The following BAHCC1 variants were observed in gnomAD, a reference collection of about 807,000 sequenced individuals.
The protein encoded by BAHCC1 is BAH and coiled-coil domain-containing protein 1.
In BAHCC1, 43 loss-of-function variants were observed where a neutral mutation model predicts 88.2. That is an observed-to-expected ratio of 0.49 (90% CI 0.38 to 0.63). BAHCC1 has a LOEUF of 0.63. Among genes scored for constraint, BAHCC1 ranks in the 20% least tolerant of loss-of-function variants. BAHCC1 has a pLI of 0.00. For missense variants in BAHCC1, 3,023 were observed against 1,654.8 expected (o/e 1.83, Z -14.34); for synonymous variants, 1,510 against 745.5 (o/e 2.03, Z -16.71).
chr17:81,455,233 C>T (rs1032379877), intron 14 of BAHCC1, 34 bp from the exon 15 acceptor site: 13 of 708,246 alleles, frequency 1.8e-5, no homozygotes, highest in East Asian at 2.7e-5. Context: ...GCCGGGCCTG[C>T]ATCTGCCCTG....
intron 3 of BAHCC1, among the ~76,000 whole-genome samples, chr17:81,430,525 G>A (rs1324077235): frequency 6.6e-6 from 1 of 152,208 alleles, no homozygotes; most frequent in African/African-American, 2.4e-5. Flanking sequence ...ACGGAGCCCC[G>A]CAGCTTCCTG....
intron 2 of BAHCC1, among the ~76,000 whole-genome samples, chr17:81,424,916 T>TG (rs2064157686): frequency 6.7e-6 from 1 of 148,920 alleles, no homozygotes. Context: ...GTGATGTGGT[T>TG]GGTGTGATGT....
chr17:81,443,068 C>T lies in BAHCC1; in HGVS notation c.1719C>T (p.Ser573=). 1.3e-6 allele frequency: 1 copy of T among 778,236 alleles called. No individual in the cohort carries two copies. Among genetic ancestry groups the T allele is most frequent in the Non-Finnish European group, 2.4e-6 (1 of 417,642 alleles). 48.2% of individuals were successfully genotyped at this position (778,236 alleles called of 1,614,324 possible). A position where few individuals can be genotyped will look rare whatever the true frequency, so the allele number is the denominator to read the frequency against. The change falls in exon 5 of 28, where the codon TCC becomes TCT. Residue 573 remains serine, a synonymous_variant. Coordinates refer to ENST00000675386, the MANE Select transcript of BAHCC1 (RefSeq NM_001377448.1). ...EAKRKSLELA[S]LGYSGPHLPP... is the part of the protein sequence containing the mutation. Reference sequence around the variant, plus strand: ...AGCGCAAGTCCCTGGAGCTGGCATCCCTGGGCTACAGTGGGCCCCACCTGC... The same window carrying T: ...AGCGCAAGTCCCTGGAGCTGGCATCTCTGGGCTACAGTGGGCCCCACCTGC...
At chr17:81,459,767 C>T (rs562131239) in intron 23 of BAHCC1, among the ~76,000 whole-genome samples, 163 bp downstream of exon 23, 45 of 149,234 alleles carry the variant, frequency 3.0e-4, no homozygotes, top group African/African-American at 1.1e-3. Flanking sequence ...CATGAAAAAG[C>T]ACAGGGTGTG....
At chr17:81,443,778 C>A in intron 5 of BAHCC1, 31 bp from the exon 6 acceptor site, 1 of 705,696 alleles carries the variant, frequency 1.4e-6, no homozygotes, top group South Asian at 1.5e-5. Flanking sequence ...CGCCCCAACC[C>A]TCTCCCGTCT....
rs560126118 is a variant in BAHCC1 at position 81,413,827 on chromosome 17, G to T, written c.179-12973G>T. Among the ~76,000 whole-genome samples the T allele has an allele frequency of 6.6e-5, 10 of 152,354 alleles. No homozygotes were observed. In the South Asian group the frequency reaches 1.7e-3, roughly 25 times the overall value. ...TAAGGTGTCCTTCTCTGGATGGGGC[G>T]CAGGGCTCGCTATGGGGTGCTGGGG... is the stretch of plus-strand genomic sequence containing the variant. On this transcript the variant is annotated intron_variant, in intron 2 of 27. Transcript: ENST00000675386.
intron 10 of BAHCC1, 101 bp downstream of exon 10, chr17:81,445,782 G>A (rs575324916): frequency 2.8e-5 from 18 of 646,968 alleles, no homozygotes; most frequent in Non-Finnish European, 4.3e-5. Flanking sequence ...GCAGGGAGGC[G>A]CCACACCTGC....
Position 81,451,779 on chromosome 17 carries a change from C to T in BAHCC1, c.4088C>T (p.Pro1363Leu), listed in dbSNP as rs782350528. ...GACAGCTCCACTGCCCCAGCGCAGC[C>T]GCCCACAGCCAACCCCTGCAGCGGC... ...GLDSSTAPAQ[P>L]PTANPCSGPR... The change falls in exon 12 of 28, where the codon CCG becomes CTG. Residue 1363 changes from proline (P) to leucine (L), a missense_variant. By Grantham distance (98) the Pro-to-Leu change is moderately conservative (BLOSUM62 -3). Coordinates refer to ENST00000675386, the MANE Select transcript of BAHCC1 (RefSeq NM_001377448.1). 7 of 767,410 alleles carry T rather than the reference C, an allele frequency of 9.1e-6. No homozygotes were observed. Among genetic ancestry groups the T allele is most frequent in the African/African-American group, 3.4e-5 (2 of 59,088 alleles). 47.5% of individuals were successfully genotyped at this position (767,410 alleles called of 1,614,324 possible).
intron 4 of BAHCC1, among the ~76,000 whole-genome samples, chr17:81,440,957 T>C (rs1389471527): frequency 6.6e-6 from 1 of 152,232 alleles, no homozygotes; most frequent in Non-Finnish European, 1.5e-5. Context: ...GCCTCTCCTC[T>C]GGGGGCGCCA....
At chr17:81,439,409 T>C (rs2064381052) in intron 4 of BAHCC1, among the ~76,000 whole-genome samples, 1 of 151,356 alleles carries the variant, frequency 6.6e-6, no homozygotes, top group African/African-American at 2.4e-5. Flanking sequence ...GGGGTCTAGG[T>C]GGCCCCCGGT....
chr17:81,424,597 T>C (rs1598470608), intron 2 of BAHCC1, among the ~76,000 whole-genome samples: 1 of 151,926 alleles, frequency 6.6e-6, no homozygotes, highest in South Asian at 2.1e-4. Flanking sequence ...GTGGTGGTGG[T>C]GTGGTTGTTG....
chr17:81,431,572 A>G (rs2064261778), intron 3 of BAHCC1, among the ~76,000 whole-genome samples: 1 of 152,142 alleles, frequency 6.6e-6, no homozygotes, highest in African/African-American at 2.4e-5. Flanking sequence ...CCTGGTTTGG[A>G]TAAAGGGCCT....
At chr17:81,401,257 G>A (rs2063813086) in intron 2 of BAHCC1, 1 of 152,678 alleles carries the variant, frequency 6.5e-6, no homozygotes, top group South Asian at 2.1e-4. Context: ...AGCGCCAGGA[G>A]ATTGGAATGG....
intron 1 of BAHCC1, among the ~76,000 whole-genome samples, chr17:81,397,805 A>G (rs1555645160): frequency 6.6e-6 from 1 of 152,250 alleles, no homozygotes; most frequent in African/African-American, 2.4e-5. Flanking sequence ...AGGGAGCCCC[A>G]AACGCCTTTG....
In BAHCC1 at chr17:81,435,502, C is replaced by G. The variant is rs1353103800; in HGVS notation, c.359-2868C>G. 1 of 470,840 alleles carries G rather than the reference C, an allele frequency of 2.1e-6. No individual in the cohort carries two copies. The highest frequency in any genetic ancestry group is 4.4e-6 in the Non-Finnish European group (1 of 226,904). 29.2% of individuals were successfully genotyped at this position (470,840 alleles called of 1,614,324 possible). ...CTCTGGCGGTTCGCTTAGCCCAGGG[C>G]TTGCCCTTGTCTGTTGGGGTGATCA... On this transcript the variant is annotated intron_variant, in intron 3 of 27. Transcript: ENST00000675386. This position sits in a 1 kb window ranked among gnomAD's most constrained non-coding sequence, Gnocchi z 4.4.
Position 81,442,790 on chromosome 17 carries a change from C to T in BAHCC1, c.1441C>T (p.Pro481Ser), listed in dbSNP as rs938565251. 9.0e-6 allele frequency: 7 copies of T among 779,452 alleles called. No individual in the cohort carries two copies. The highest frequency in any genetic ancestry group is 1.4e-5 in the Non-Finnish European group (6 of 417,930). 48.3% of individuals were successfully genotyped at this position (779,452 alleles called of 1,614,324 possible). The change falls in exon 5 of 28, where the codon CCC (proline) becomes TCC (serine). Residue 481 changes from proline to serine, a missense_variant. Physicochemically the swap from Pro to Ser is moderately conservative, Grantham distance 74 (BLOSUM62 -1). Transcript: ENST00000675386. ...LSSAGPEASF[P>S]GLPKSGLDKS... ...CAGCGCAGGCCCCGAGGCCTCCTTC[C>T]CCGGACTCCCTAAAAGCGGTCTGGA...
Position 81,461,411 on chromosome 17 carries a change from G to A in BAHCC1, c.6748G>A (p.Ala2250Thr). The stretch of plus-strand genomic sequence containing the variant: ...GCCCAGCCCCAGCTATGTGCACCCG[G>A]CCCTTGTGGGCAAGGACAAGAAGGG... The part of the protein sequence containing the change: ...PLPSPSYVHP[A>T]LVGKDKKGRA... The change falls in exon 26 of 28, where the codon GCC becomes ACC. Residue 2250 changes from alanine to threonine, a missense_variant. Transcript: ENST00000675386. 1 of 724,028 alleles carries A rather than the reference G, an allele frequency of 1.4e-6. No homozygotes were observed. The allele number at this position is 724,028 out of a possible 1,614,324, so 44.9% of individuals were successfully genotyped here. A position where few individuals can be genotyped will look rare whatever the true frequency, so the allele number is the denominator to read the frequency against.
At position 81,442,875 on chromosome 17, in the gene BAHCC1, A is replaced by G. The variant is rs782461900; in HGVS notation, c.1526A>G (p.Gln509Arg). 4 of 779,446 alleles carry G rather than the reference A, an allele frequency of 5.1e-6. No individual in the cohort carries two copies. Among genetic ancestry groups the G allele is most frequent in the South Asian group, 4.0e-5 (3 of 74,620 alleles). The allele number at this position is 779,446 out of a possible 1,614,324, so 48.3% of individuals were successfully genotyped here. Reference sequence around the variant, plus strand: ...CAGGACTGTGCCCGGCCTGGTCACCAGGACCCGCTGGGCGGGAAGGCCCCC... The same window carrying G: ...CAGGACTGTGCCCGGCCTGGTCACCGGGACCCGCTGGGCGGGAAGGCCCCC... ...SSQDCARPGH[Q>R]DPLGGKAPQA... is the part of the protein sequence containing the mutation. The change falls in exon 5 of 28, where the codon CAG becomes CGG. Residue 509 changes from glutamine (Q) to arginine (R), a missense_variant. Coordinates refer to ENST00000675386, the MANE Select transcript of BAHCC1 (RefSeq NM_001377448.1).
chr17:81,462,583 A>C (rs1158811234), intron 26 of BAHCC1, 157 bp from the exon 27 acceptor site: 1 of 591,262 alleles, frequency 1.7e-6, no homozygotes, highest in Non-Finnish European at 3.0e-6. Context: ...CATGGCCTTA[A>C]GCCGCGGTGC....
Sources: gnomAD v4.1 joint callset for allele counts (sites outside exome capture counted in the v4.1 genomes callset) on GRCh38, gnomAD v4.1.1 for gene constraint, Gnocchi (gnomAD v3.1) non-coding constraint, MANE v1.5 for transcripts, NCBI Gene and HGNC (gene_info 2026-07-23, HGNC 2026-07-21) for gene names.